TPRG1: variants seen among roughly 807,000 people sequenced by gnomAD.
TPRG1 encodes tumor protein p63 regulated 1, also known as tumor protein p63-regulated gene 1 protein.
In TPRG1, 29 loss-of-function variants were observed where a neutral mutation model predicts 29.3. That is an observed-to-expected ratio of 0.99 (90% CI 0.74 to 1.35). The LOEUF (loss-of-function observed/expected upper bound fraction) is 1.35. TPRG1 is among the 40% of genes most tolerant of loss of function. The pLI is 0.00. For synonymous variants in TPRG1, 130 were observed against 116.8 expected (o/e 1.11, Z -0.73); for missense variants, 327 against 335.0 (o/e 0.98, Z 0.19).
At chr3:189,223,280 C>T (rs1345302066) in intron 3 of TPRG1, among the ~76,000 whole-genome samples, 1 of 152,182 alleles carries the variant, frequency 6.6e-6, no homozygotes, top group Non-Finnish European at 1.5e-5. Flanking sequence ...GGCCTCCAAG[C>T]AACTCAAAGC....
intron 4 of TPRG1, among the ~76,000 whole-genome samples, chr3:189,263,248 A>G (rs1420904864): frequency 6.6e-6 from 1 of 152,234 alleles, no homozygotes; most frequent in East Asian, 1.9e-4. Flanking sequence ...AAGATCCAGA[A>G]AGACTTTTCT....
At chr3:189,028,832 G>A (rs1020366000) in intron 4 of TPRG1, among the ~76,000 whole-genome samples, 37 of 152,230 alleles carry the variant, frequency 2.4e-4, no homozygotes, top group African/African-American at 7.5e-4. Context: ...GTTAGTTAGA[G>A]TACATCATAG....
chr3:189,011,958 C>G (rs1712623652), intron 3 of TPRG1, among the ~76,000 whole-genome samples: 1 of 152,124 alleles, frequency 6.6e-6, no homozygotes, highest in South Asian at 2.1e-4. Flanking sequence ...TATAGGAATA[C>G]TAGTGATTTT....
At chr3:189,011,453 G>T (rs1373909192) in intron 3 of TPRG1, among the ~76,000 whole-genome samples, 2 of 152,150 alleles carry the variant, frequency 1.3e-5, no homozygotes, top group Admixed American at 1.3e-4. Context: ...ACAAAAGAAA[G>T]AAATTTAATG....
chr3:189,276,276 A>T (rs573561022), intron 4 of TPRG1, among the ~76,000 whole-genome samples: 1 of 152,234 alleles, frequency 6.6e-6, no homozygotes, highest in South Asian at 2.1e-4. Context: ...GCAGATCTTG[A>T]TTTGGTGCTG....
At chr3:189,233,702 G>A (rs1239890965) in intron 3 of TPRG1, among the ~76,000 whole-genome samples, 1 of 152,088 alleles carries the variant, frequency 6.6e-6, no homozygotes, top group African/African-American at 2.4e-5. Context: ...ACTCTTTGCT[G>A]AGCACAGTGA....
At chr3:189,219,534 G>C in intron 3 of TPRG1, 2 of 927,024 alleles carry the variant, frequency 2.2e-6, no homozygotes, top group Non-Finnish European at 2.7e-6. Context: ...AAAAAAAAAA[G>C]ATTATTTTAA....
intron 4 of TPRG1, among the ~76,000 whole-genome samples, chr3:189,024,604 C>T (rs1291250873): frequency 1.3e-5 from 2 of 152,170 alleles, no homozygotes; most frequent in African/African-American, 2.4e-5. Context: ...GGTTTGGACT[C>T]TCTAAAGCCT....
At chr3:189,055,852 G>A (rs745962010) in intron 4 of TPRG1, among the ~76,000 whole-genome samples, 17 of 151,922 alleles carry the variant, frequency 1.1e-4, no homozygotes, top group Non-Finnish European at 2.4e-4. Context: ...TTATGATCTG[G>A]CTCCAAAACC....
At chr3:189,154,350 T>G (rs543004127) in intron 5 of TPRG1, among the ~76,000 whole-genome samples, 1 of 152,326 alleles carries the variant, frequency 6.6e-6, no homozygotes, top group Non-Finnish European at 1.5e-5. Flanking sequence ...GCCAATTATT[T>G]GTCGAGTGTC....
At chr3:189,116,652 T>C (rs1578408354) in intron 1 of TPRG1, among the ~76,000 whole-genome samples, 2 of 152,298 alleles carry the variant, frequency 1.3e-5, no homozygotes, top group East Asian at 1.9e-4. Flanking sequence ...TGCATGAACA[T>C]TGGTGACATG....
chr3:189,314,062 G>A (rs1300357043), intron 5 of TPRG1, among the ~76,000 whole-genome samples: 1 of 152,184 alleles, frequency 6.6e-6, no homozygotes, highest in Non-Finnish European at 1.5e-5. Flanking sequence ...GCAAGTAACT[G>A]ACAGGATATT....
At chr3:189,013,150 C>T (rs1249645367) in intron 3 of TPRG1, among the ~76,000 whole-genome samples, 2 of 152,064 alleles carry the variant, frequency 1.3e-5, no homozygotes, top group African/African-American at 4.8e-5. Context: ...TTGATGTGGG[C>T]ATTTGGTGAT....
chr3:189,294,355 C>A (rs1371073169), intron 4 of TPRG1, among the ~76,000 whole-genome samples: 1 of 151,822 alleles, frequency 6.6e-6, no homozygotes, highest in Non-Finnish European at 1.5e-5. Flanking sequence ...ATATAATAAC[C>A]AGATTTATGG....
chr3:189,067,265 C>T (rs189376885), intron 4 of TPRG1, among the ~76,000 whole-genome samples: 309 of 152,192 alleles, frequency 2.0e-3, no homozygotes, highest in African/African-American at 7.2e-3. Context: ...TCTATAGATT[C>T]AGTGCAATCT....
intron 4 of TPRG1, among the ~76,000 whole-genome samples, chr3:189,032,404 C>G (rs1713978323): frequency 6.6e-6 from 1 of 152,046 alleles, no homozygotes; most frequent in Non-Finnish European, 1.5e-5. Context: ...AAAATAAATT[C>G]AAGTTGTTTT....
chr3:189,098,476 G>A (rs192031297), upstream of TPRG1, among the ~76,000 whole-genome samples: 131 of 152,220 alleles, frequency 8.6e-4, no homozygotes, highest in African/African-American at 3.0e-3. Context: ...TGAGATGGCT[G>A]AGAGGGGAAG....
At position 189,062,206 on chromosome 3, in the gene TPRG1, T is replaced by C. The variant is rs915364136; in HGVS notation, c.-463+38260T>C. Among the ~76,000 whole-genome samples, 3 of 152,256 alleles carry C rather than the reference T, an allele frequency of 2.0e-5. No homozygotes were observed. The East Asian group carries it at 5.8e-4, about 29-fold the overall frequency. ...CAGGAAGAGAAAGTCAAATACCACG[T>C]GTTCTCGCTTGTAAGTAGGAGCTAA... On this transcript the variant is annotated intron_variant, in intron 4 of 10. Transcript: ENST00000433971.
chr3:189,017,850 T>G (rs1005488403), intron 3 of TPRG1, among the ~76,000 whole-genome samples: 5 of 152,054 alleles, frequency 3.3e-5, no homozygotes, highest in Non-Finnish European at 7.4e-5. Context: ...CCACCAACAG[T>G]GTAAAAGTGT....
Sources: allele counts gnomAD v4.1 joint callset (sites outside exome capture counted in the v4.1 genomes callset), GRCh38; gene constraint gnomAD v4.1.1; transcripts MANE v1.5; gene names NCBI Gene and HGNC (gene_info 2026-07-23, HGNC 2026-07-21).